FMO5: variants seen among roughly 807,000 people sequenced by gnomAD.
FMO5 encodes the protein flavin containing dimethylaniline monoxygenase 5.
In FMO5, 51 loss-of-function variants were observed where a neutral mutation model predicts 43.6. That is an observed-to-expected ratio of 1.17 (90% CI 0.93 to 1.48). The LOEUF is 1.48. Among genes scored for constraint, FMO5 ranks in the 40% most tolerant of loss-of-function variants. The probability of loss-of-function intolerance (pLI) is 0.00; values close to 1 mark genes in which losing one functional copy is unlikely to be tolerated. For missense variants in FMO5, 644 were observed against 643.0 expected (o/e 1.00, Z -0.02); for synonymous variants, 187 against 216.5 (o/e 0.86, Z 1.20).
At chr1:147,189,889 T>A (rs1469429427) in intron 8 of FMO5, among the ~76,000 whole-genome samples, 1 of 152,186 alleles carries the variant, frequency 6.6e-6, no homozygotes, top group Non-Finnish European at 1.5e-5. Context: ...AAAAATAATA[T>A]ACCTTCTGCC....
intron 7 of FMO5, among the ~76,000 whole-genome samples, chr1:147,197,798 G>A (rs1658271909): frequency 6.6e-6 from 1 of 152,122 alleles, no homozygotes; most frequent in African/African-American, 2.4e-5. Flanking sequence ...TTCCTTGCTT[G>A]GCTCTGCATT....
intron 4 of FMO5, among the ~76,000 whole-genome samples, chr1:147,212,873 C>A (rs587665432): frequency 1.1e-4 from 16 of 152,096 alleles, no homozygotes; most frequent in Non-Finnish European, 1.6e-4. Flanking sequence ...TCACTTACAG[C>A]ACATATATTC....
At position 147,215,651 on chromosome 1, in the gene FMO5, A is replaced by C; in HGVS notation, c.324+103T>G. 6.1e-6 allele frequency: 5 copies of C among 821,948 alleles called. No homozygotes were observed. In the South Asian group the frequency reaches 7.2e-5, roughly 12 times the overall value. The allele number at this position is 821,948 out of a possible 1,614,324, so 50.9% of individuals were successfully genotyped here. A position where few individuals can be genotyped will look rare whatever the true frequency, so the allele number is the denominator to read the frequency against. The stretch of plus-strand genomic sequence containing the variant: ...GCCTGGGTAGGATAAATACATGTGC[A>C]AATCAAGCCAATCTTTAGAAGTAAA... On this transcript the variant is annotated intron_variant, in intron 3 of 8. Transcript: ENST00000254090.
At position 147,186,862 on chromosome 1, in the gene FMO5, G is replaced by A; in HGVS notation, c.*38C>T. On this transcript the variant is annotated 3_prime_UTR_variant, in exon 9 of 9. Transcript: ENST00000254090. ...AGATTCTGAAGGCATCTGTAGATAA[G>A]CTTCCCAATGAAAAACAGGGCAGTG... 1 of 1,577,872 alleles carries A rather than the reference G, an allele frequency of 6.3e-7. No individual in the cohort carries two copies. The highest frequency in any genetic ancestry group is 1.2e-5 in the South Asian group (1 of 84,100).
At chr1:147,204,591 T>G (rs1659631576) in intron 6 of FMO5, 4 of 1,592,406 alleles carry the variant, frequency 2.5e-6, no homozygotes, top group Non-Finnish European at 2.6e-6. Context: ...GTTCTTCAGC[T>G]AATTCCAGGA....
chr1:147,203,274 T>A (rs1553921459), intron 6 of FMO5: 3 of 1,564,480 alleles, frequency 1.9e-6, no homozygotes, highest in Admixed American at 1.8e-5. Flanking sequence ...TAAGCCAATT[T>A]CAATCATTTT....
rs373872924 is a variant in FMO5, at chr1:147,187,139, T to G, written c.1363A>C (p.Thr455Pro). The part of the protein sequence containing the change: ...VRPNLLSLAF[T>P]DPKLALHLLL... ...AAGTGTAATGCCAGCTTGGGGTCAG[T>G]GAAGGCCAGAGACAGCAGATTGGGC... Residue 455 changes from threonine (T) to proline (P), a missense_variant, in exon 9 of 9, where the codon ACT (threonine) becomes CCT (proline). By Grantham distance (38) the Thr-to-Pro change is conservative. Transcript: ENST00000254090. The G allele has an allele frequency of 2.5e-6, 4 of 1,614,024 alleles. No individual in the cohort carries two copies.
chr1:147,208,593 C>T (rs587755798), intron 6 of FMO5: 22 of 335,638 alleles, frequency 6.6e-5, no homozygotes, highest in African/African-American at 3.4e-4. Flanking sequence ...ACAGGTGCCA[C>T]CACACCTGGC....
chr1:147,211,510 A>C (rs1553923725), intron 5 of FMO5: 2 of 152,238 alleles, frequency 1.3e-5, no homozygotes, highest in African/African-American at 4.8e-5. Context: ...GCTGAGTAAG[A>C]GTCATTTAAC....
Position 147,212,649 on chromosome 1 carries a change from C to A in FMO5, c.488-114G>T. The stretch of plus-strand genomic sequence containing the variant: ...TTTAAGCATATATTCTCCAAGTGTT[C>A]TCTTTACTCAGCTACTTTCTTGCCT... On this transcript the variant is annotated intron_variant, in intron 4 of 8. Transcript: ENST00000254090. The A allele has an allele frequency of 2.1e-6, 2 of 974,588 alleles. 1 individual carries two copies. Among genetic ancestry groups the A allele is most frequent in the South Asian group, 3.3e-5 (2 of 60,988 alleles). 60.4% of individuals were successfully genotyped at this position (974,588 alleles called of 1,614,324 possible).
At chr1:147,206,790 C>A (rs1660147282) in intron 6 of FMO5, among the ~76,000 whole-genome samples, 1 of 151,666 alleles carries the variant, frequency 6.6e-6, no homozygotes. Flanking sequence ...GGAAGCATAG[C>A]ATTAGGAGAT....
At chr1:147,198,850 C>CAAAAAAAA (rs151035141) in intron 7 of FMO5, among the ~76,000 whole-genome samples, 68 of 51,442 alleles carry the variant, frequency 1.3e-3, no homozygotes, top group Middle Eastern at 0.014. Context: ...GACTGCATCT[C>CAAAAAAAA]AAAAAAAAAA....
intron 2 of FMO5, among the ~76,000 whole-genome samples, chr1:147,216,933 T>C (rs949100805): frequency 6.6e-6 from 1 of 152,182 alleles, no homozygotes; most frequent in African/African-American, 2.4e-5. Context: ...ACAAACTTCT[T>C]TGCATCCTCA....
rs1380273657 is a variant in FMO5 at position 147,186,654 on chromosome 1, T to C, written c.*246A>G. ...AGACATACAAAGATGACTAAAAGAG[T>C]ACCTGAGCTCCCAGTCTAGGGATTA... On this transcript the variant is annotated 3_prime_UTR_variant, in exon 9 of 9. Coordinates refer to ENST00000254090, the MANE Select transcript of FMO5 (RefSeq NM_001461.4). The C allele has an allele frequency of 1.6e-6, 2 of 1,253,664 alleles. No homozygotes were observed. The highest frequency in any genetic ancestry group is 2.0e-6 in the Non-Finnish European group (2 of 991,030). The allele number at this position is 1,253,664 out of a possible 1,614,324, so 77.7% of individuals were successfully genotyped here.
chr1:147,212,583 A>G, intron 4 of FMO5, 48 bp from the exon 5 acceptor site: 2 of 1,533,134 alleles, frequency 1.3e-6, no homozygotes, highest in Non-Finnish European at 8.9e-7. Context: ...TACATGATAG[A>G]TATCATTTGT....
rs782007251 is a variant in FMO5 at position 147,201,471 on chromosome 1, G to A, written c.864C>T (p.Asp288=). The part of the protein sequence containing the change: ...ALSQHPTLND[D]LPNRIISGLV... ...AGCCAGAAATGATACGATTTGGCAG[G>A]TCATCATTTAAGGTTGGATGCTGAC... Residue 288 remains aspartate (D), a synonymous_variant, in exon 7 of 9, where the codon GAC becomes GAT. Transcript: ENST00000254090. The A allele has an allele frequency of 6.2e-6, 10 of 1,613,916 alleles. No individual in the cohort carries two copies. The African/African-American group carries it at 8.0e-5, about 13-fold the overall frequency.
chr1:147,191,145 C>A (rs192192081), intron 7 of FMO5, among the ~76,000 whole-genome samples: 1 of 152,200 alleles, frequency 6.6e-6, no homozygotes, highest in African/African-American at 2.4e-5. Context: ...AATAAACATA[C>A]GTGTGCATGT....
intron 7 of FMO5, among the ~76,000 whole-genome samples, chr1:147,191,920 A>C (rs1471413377): frequency 1.3e-5 from 2 of 151,986 alleles, no homozygotes; most frequent in Middle Eastern, 3.2e-3. Flanking sequence ...GTAGCCTTGT[A>C]GTATAGTTTG....
At position 147,194,272 on chromosome 1, in the gene FMO5, T is replaced by G. The variant is rs183702670; in HGVS notation, c.1184-4023A>C. Among the ~76,000 whole-genome samples, 656 of 152,320 alleles carry G rather than the reference T, an allele frequency of 4.3e-3. 5 individuals carry two copies. Among genetic ancestry groups the G allele is most frequent in the Non-Finnish European group, 7.7e-3 (523 of 68,038 alleles). On this transcript the variant is annotated intron_variant, in intron 7 of 8. Transcript: ENST00000254090. ...TTTACCATTATTTAATGGCCTTCTT[T>G]GTCTCTTTAGATCTTTGCTGGTTTA...
Sources: gnomAD v4.1 joint callset for allele counts (sites outside exome capture counted in the v4.1 genomes callset) on GRCh38, gnomAD v4.1.1 for gene constraint, MANE v1.5 for transcripts, NCBI Gene and HGNC (gene_info 2026-07-23, HGNC 2026-07-21) for gene names.